The following SELENOT variants were observed in gnomAD, a reference collection of about 807,000 sequenced individuals.
SELENOT encodes the protein selenoprotein T.
In SELENOT, 9 loss-of-function variants were observed where a neutral mutation model predicts 24.3. That is an observed-to-expected ratio of 0.37 (90% confidence interval 0.22 to 0.65). The LOEUF (loss-of-function observed/expected upper bound fraction) is 0.65, where lower values mean the gene tolerates loss of function less well. SELENOT is among the 30% of genes least tolerant of loss of function. The pLI, the probability that SELENOT is intolerant of heterozygous loss-of-function variation, is 0.60. For synonymous variants in SELENOT, 81 were observed against 86.0 expected (o/e 0.94, Z 0.32); for missense variants, 166 against 247.6 (o/e 0.67, Z 2.21).
At chr3:150,618,166 T>A (rs1233582726) in intron 1 of SELENOT, among the ~76,000 whole-genome samples, 1 of 152,158 alleles carries the variant, frequency 6.6e-6, no homozygotes, top group Non-Finnish European at 1.5e-5. Flanking sequence ...CTTTTTAAAA[T>A]CCCAGTTCTT....
At chr3:150,622,286 A>G (rs1726360050) in intron 1 of SELENOT, 99 bp from the exon 2 acceptor site, 2 of 491,250 alleles carry the variant, frequency 4.1e-6, no homozygotes, top group Non-Finnish European at 6.9e-6. Flanking sequence ...TGATTTTGAG[A>G]AAAATTTGTA....
At chr3:150,625,796 G>A (rs548043148) in intron 4 of SELENOT, among the ~76,000 whole-genome samples, 13 of 151,542 alleles carry the variant, frequency 8.6e-5, no homozygotes, top group South Asian at 2.1e-4. Context: ...TTTATCTCTT[G>A]GTCCATAAAG....
At chr3:150,612,237 C>G (rs1274434696) in intron 1 of SELENOT, among the ~76,000 whole-genome samples, 2 of 151,990 alleles carry the variant, frequency 1.3e-5, no homozygotes, top group South Asian at 4.2e-4. Context: ...GGATTACAGG[C>G]GCCCGCCACC....
intron 1 of SELENOT, among the ~76,000 whole-genome samples, chr3:150,612,500 G>A (rs1576531123): frequency 1.3e-5 from 2 of 152,254 alleles, no homozygotes; most frequent in South Asian, 2.1e-4. Context: ...ACATAATTTC[G>A]TTCATATTCT....
chr3:150,625,141 G>A (rs1237540230), intron 4 of SELENOT, among the ~76,000 whole-genome samples: 1 of 151,016 alleles, frequency 6.6e-6, no homozygotes, highest in African/African-American at 2.4e-5. Flanking sequence ...CGAATTCCTT[G>A]AGGAGTTGGC....
intron 2 of SELENOT, among the ~76,000 whole-genome samples, 193 bp downstream of exon 2, chr3:150,622,688 G>A (rs1406774214): frequency 2.6e-5 from 4 of 152,092 alleles, no homozygotes; most frequent in Admixed American, 1.3e-4. Flanking sequence ...AAGGAAGAGG[G>A]TCGTTTCAGA....
chr3:150,606,635 C>A (rs1725971445), intron 1 of SELENOT, among the ~76,000 whole-genome samples: 1 of 152,120 alleles, frequency 6.6e-6, no homozygotes, highest in African/African-American at 2.4e-5. Context: ...CTTTGTTGCC[C>A]AAGCTAGAGT....
intron 1 of SELENOT, chr3:150,611,666 G>C: frequency 6.2e-7 from 1 of 1,601,112 alleles, no homozygotes. Context: ...TCTTGCTGAA[G>C]CTGGCGTTGC....
Position 150,603,616 on chromosome 3 carries a change from T to C in SELENOT, c.137+117T>C, listed in dbSNP as rs1725895517. ...CGCATCTTCGCTGGCCTCGTAGAAC[T>C]GTGCCGGCGCCCTTCCACAGCCAGC... On this transcript the variant is annotated intron_variant, in intron 1 of 5. Coordinates refer to ENST00000471696, the MANE Select transcript of SELENOT (RefSeq NM_016275.5). The C allele has an allele frequency of 2.4e-6, 3 of 1,234,926 alleles. No homozygotes were observed. In the South Asian group the frequency reaches 4.8e-5, roughly 20 times the overall value. 76.5% of individuals were successfully genotyped at this position (1,234,926 alleles called of 1,614,324 possible). A position where few individuals can be genotyped will look rare whatever the true frequency, so the allele number is the denominator to read the frequency against.
chr3:150,611,878 G>A, intron 1 of SELENOT: 1 of 1,013,908 alleles, frequency 9.9e-7, no homozygotes, highest in East Asian at 2.6e-5. Context: ...AGCCGTTCAT[G>A]TCTCCGAGCT....
rs188383491 is a variant in SELENOT, at chr3:150,618,721, A to G, written c.138-3664A>G. On this transcript the variant is annotated intron_variant, in intron 1 of 5. Transcript: ENST00000471696. ...TTTTTTTTTGTAGAGATGGAGTCTC[A>G]CTGTATTGCCTAGGCTGGTCTTGAA... The G allele has an allele frequency of 2.4e-3, 371 of 153,792 alleles. 1 individual carries two copies. Among genetic ancestry groups the G allele is most frequent in the Middle Eastern group, 2.4e-3 (4 of 1,666 alleles). 9.5% of individuals were successfully genotyped at this position (153,792 alleles called of 1,614,324 possible).
intron 1 of SELENOT, among the ~76,000 whole-genome samples, chr3:150,616,904 A>G (rs1422508838): frequency 1.3e-5 from 2 of 152,214 alleles, no homozygotes; most frequent in Non-Finnish European, 2.9e-5. Flanking sequence ...TTGGCCTCCC[A>G]AAGTGCTGGG....
chr3:150,619,503 G>A (rs1052130459), intron 1 of SELENOT, among the ~76,000 whole-genome samples: 11 of 151,700 alleles, frequency 7.3e-5, no homozygotes, highest in African/African-American at 1.5e-4. Context: ...GCCACTGCAC[G>A]CTAGCCTGGG....
intron 4 of SELENOT, among the ~76,000 whole-genome samples, chr3:150,626,627 A>C (rs1452534013): frequency 6.6e-6 from 1 of 152,070 alleles, no homozygotes; most frequent in East Asian, 1.9e-4. Context: ...TCTGGTCTTT[A>C]CATTTCTGTT....
intron 1 of SELENOT, among the ~76,000 whole-genome samples, chr3:150,621,275 C>CGG (rs1726337128): frequency 1.3e-5 from 2 of 152,078 alleles, no homozygotes; most frequent in Non-Finnish European, 1.5e-5. Context: ...TCACACCCCC[C>CGG]CCAAAAAACA....
chr3:150,626,961 A>T (rs753431821), intron 4 of SELENOT, 49 bp from the exon 5 acceptor site: 3 of 1,583,162 alleles, frequency 1.9e-6, no homozygotes, highest in Non-Finnish European at 1.7e-6. Context: ...AATGCATATT[A>T]TAAAATCATC....
chr3:150,604,218 A>C (rs1245590037), intron 1 of SELENOT, among the ~76,000 whole-genome samples: 1 of 151,992 alleles, frequency 6.6e-6, no homozygotes, highest in Non-Finnish European at 1.5e-5. Flanking sequence ...ATCTCTTTCT[A>C]CCTTTCAGTT....
chr3:150,624,423 C>A (rs1316042182), intron 3 of SELENOT, among the ~76,000 whole-genome samples: 2 of 152,122 alleles, frequency 1.3e-5, no homozygotes, highest in African/African-American at 2.4e-5. Context: ...TAACCTACTT[C>A]TTTCTTAGTT....
In SELENOT at chr3:150,604,233, T is replaced by G. The variant is rs1478451244; in HGVS notation, c.137+734T>G. Among the ~76,000 whole-genome samples, 3 of 152,218 alleles carry G rather than the reference T, an allele frequency of 2.0e-5. No homozygotes were observed. The East Asian group carries it at 5.8e-4, about 29-fold the overall frequency. ...ATCTCTTTCTACCTTTCAGTTGTCTTGTGTATCCAGCAGATCTCGGCAGTT... is the reference window on the plus strand; with the variant it reads ...ATCTCTTTCTACCTTTCAGTTGTCTGGTGTATCCAGCAGATCTCGGCAGTT... On this transcript the variant is annotated intron_variant, in intron 1 of 5. Transcript: ENST00000471696.
Sources: allele counts gnomAD v4.1 joint callset (sites outside exome capture counted in the v4.1 genomes callset), GRCh38; gene constraint gnomAD v4.1.1; transcripts MANE v1.5; gene names NCBI Gene and HGNC (gene_info 2026-07-23, HGNC 2026-07-21).